The following PCLO variants were observed in gnomAD, a reference collection of about 807,000 sequenced individuals.
PCLO encodes the protein piccolo presynaptic cytomatrix protein, also known as protein piccolo.
In PCLO, 82 loss-of-function variants were observed where a neutral mutation model predicts 427.5. The observed-to-expected ratio is 0.19, with a 90% CI of 0.16 to 0.23. The LOEUF is 0.23. Ranked by LOEUF, PCLO falls within the 10% of genes least tolerant of loss-of-function variation. The probability of loss-of-function intolerance (pLI) is 1.00; values close to 1 mark genes in which losing one functional copy is unlikely to be tolerated. For missense variants in PCLO, 6,239 were observed against 6,115.9 expected (o/e 1.02, Z -0.67); for synonymous variants, 2,357 against 2,155.4 (o/e 1.09, Z -2.59).
chr7:83,012,499 C>T (rs1788104789), intron 3 of PCLO, among the ~76,000 whole-genome samples: 2 of 151,768 alleles, frequency 1.3e-5, no homozygotes, highest in South Asian at 4.2e-4. Context: ...CACCTGTAAT[C>T]CCAGCTACTC....
chr7:83,143,095 G>T (rs999332849), intron 2 of PCLO, among the ~76,000 whole-genome samples: 3 of 152,198 alleles, frequency 2.0e-5, no homozygotes, highest in African/African-American at 7.2e-5. Context: ...AATACTTATT[G>T]AAGACCTTCT....
At chr7:83,073,359 T>C (rs1460153594) in intron 3 of PCLO, among the ~76,000 whole-genome samples, 1 of 152,030 alleles carries the variant, frequency 6.6e-6, no homozygotes, top group Non-Finnish European at 1.5e-5. Context: ...AAAACCTTAT[T>C]GAGTACATTC....
intron 10 of PCLO, among the ~76,000 whole-genome samples, chr7:82,852,890 C>T (rs557789750): frequency 1.3e-5 from 2 of 152,192 alleles, no homozygotes; most frequent in East Asian, 3.9e-4. Context: ...TCCTTCCCAG[C>T]CTTTGGCAAC....
intron 6 of PCLO, among the ~76,000 whole-genome samples, chr7:82,929,111 T>C (rs1562863916): frequency 6.6e-6 from 1 of 152,016 alleles, no homozygotes; most frequent in African/African-American, 2.4e-5. Context: ...AGGGAAGTAA[T>C]TGAGGACATA....
Position 83,136,142 on chromosome 7 carries a change from A to G in PCLO, c.1894-486T>C, listed in dbSNP as rs994851877. On this transcript the variant is annotated intron_variant, in intron 2 of 24. Coordinates refer to ENST00000333891, the MANE Select transcript of PCLO (RefSeq NM_033026.6). ...TATATGTCTCCTCAGGGACTAAAGT[A>G]CCCTATATTAAGGAATATATAAAGT... 3.5e-4 allele frequency among the ~76,000 whole-genome samples: 53 copies of G among 151,952 alleles called. 2 individuals carry two copies. Among genetic ancestry groups the G allele is most frequent in the Non-Finnish European group, 2.9e-5 (2 of 67,978 alleles).
At position 82,832,066 on chromosome 7, in the gene PCLO, C is replaced by T. The variant is rs115431522; in HGVS notation, c.14249+3601G>A. Among the ~76,000 whole-genome samples the T allele has an allele frequency of 9.7e-3, 1,468 of 152,116 alleles. 16 individuals are homozygous for T. The highest frequency in any genetic ancestry group is 0.033 in the African/African-American group (1,376 of 41,494). On this transcript the variant is annotated intron_variant, in intron 16 of 24. Transcript: ENST00000333891. ...CCTTTCCTTTCTTGTCTAGTAAACA[C>T]ACTATATTCTCTTGTGGGAAGATTA...
chr7:82,902,847 G>A, intron 8 of PCLO, 106 bp from the exon 9 acceptor site: 1 of 630,976 alleles, frequency 1.6e-6, no homozygotes, highest in Admixed American at 2.6e-5. Context: ...TAAATCAATG[G>A]AACGTAGTAG....
chr7:82,998,787 C>T (rs541879848), intron 3 of PCLO, among the ~76,000 whole-genome samples: 1 of 151,646 alleles, frequency 6.6e-6, no homozygotes, highest in African/African-American at 2.4e-5. Context: ...AAGGAATACT[C>T]AAAGACAAAA....
At chr7:82,933,686 C>T (rs1049914556) in intron 6 of PCLO, among the ~76,000 whole-genome samples, 6 of 151,788 alleles carry the variant, frequency 4.0e-5, no homozygotes, top group Non-Finnish European at 5.9e-5. Flanking sequence ...TAAACACACA[C>T]AAATAAAAAC....
At chr7:82,912,481 T>C (rs1794347200) in intron 7 of PCLO, among the ~76,000 whole-genome samples, 1 of 151,946 alleles carries the variant, frequency 6.6e-6, no homozygotes, top group South Asian at 2.1e-4. Context: ...AATTCATATA[T>C]AATTGCTATA....
At chr7:82,828,012 T>C in intron 16 of PCLO, 46 bp from the exon 17 acceptor site, 1 of 1,068,354 alleles carries the variant, frequency 9.4e-7, no homozygotes, top group South Asian at 1.3e-5. Context: ...TTCACCTTAG[T>C]TTATGACTTC....
At chr7:82,949,256 TACACAC>T (rs369915572) in intron 6 of PCLO, among the ~76,000 whole-genome samples, 4 of 149,702 alleles carry the variant, frequency 2.7e-5, no homozygotes, top group South Asian at 2.1e-4. Context: ...TATGGTTTCC[TACACAC>T]ACACACACAC....
Position 83,092,536 on chromosome 7 carries a change from TA to T in PCLO, c.3300+41713del, listed in dbSNP as rs532983646. On this transcript the variant is annotated intron_variant, in intron 3 of 24. Transcript: ENST00000333891. ...CTACCGTCAGAATCAAAACTAAACCTAGGTCACCTCTCAGATCTTTTTCTAA... is the reference window on the plus strand; with the variant it reads ...CTACCGTCAGAATCAAAACTAAACCTGGTCACCTCTCAGATCTTTTTCTAA... Among the ~76,000 whole-genome samples, 104 of 152,228 alleles carry T rather than the reference TA, an allele frequency of 6.8e-4. 1 individual carries two copies. The highest frequency in any genetic ancestry group is 3.1e-4 in the Non-Finnish European group (21 of 68,022).
intron 3 of PCLO, among the ~76,000 whole-genome samples, chr7:83,036,617 T>C (rs974979633): frequency 6.6e-6 from 1 of 152,094 alleles, no homozygotes; most frequent in Non-Finnish European, 1.5e-5. Flanking sequence ...GTGACCTCAG[T>C]ATAGCAACTG....
intron 3 of PCLO, among the ~76,000 whole-genome samples, chr7:83,004,309 C>T (rs1248597436): frequency 4.6e-5 from 7 of 151,678 alleles, no homozygotes; most frequent in Non-Finnish European, 8.9e-5. Context: ...CAGAAACAGA[C>T]ACATAGAACA....
At chr7:82,982,911 G>C (rs563249659) in intron 3 of PCLO, among the ~76,000 whole-genome samples, 17 of 151,440 alleles carry the variant, frequency 1.1e-4, no homozygotes, top group African/African-American at 4.1e-4. Flanking sequence ...TGAAATAATA[G>C]AATTTTAAAT....
At position 82,861,272 on chromosome 7, in the gene PCLO, T is replaced by C. The variant is rs558142880; in HGVS notation, c.13655-14025A>G. 3.3e-5 allele frequency among the ~76,000 whole-genome samples: 5 copies of C among 152,070 alleles called. No homozygotes were observed. In the East Asian group the frequency reaches 9.7e-4, roughly 29 times the overall value. ...TAAAGGGAGGGATGAAGATATTTCA[T>C]GCCAATGTAAACCAAAAATGGGAAC... is the stretch of plus-strand genomic sequence containing the variant. On this transcript the variant is annotated intron_variant, in intron 10 of 24. Coordinates refer to ENST00000333891, the MANE Select transcript of PCLO (RefSeq NM_033026.6).
At chr7:82,867,606 AT>A (rs1793128640) in intron 10 of PCLO, among the ~76,000 whole-genome samples, 2 of 152,202 alleles carry the variant, frequency 1.3e-5, no homozygotes, top group African/African-American at 4.8e-5. Context: ...TCCAAGAAAT[AT>A]TGGTTAGACA....
chr7:82,910,899 C>T (rs1223334725), intron 7 of PCLO, among the ~76,000 whole-genome samples: 3 of 152,102 alleles, frequency 2.0e-5, no homozygotes, highest in African/African-American at 7.2e-5. Context: ...TTCCCAGTGA[C>T]ACTGACACTA....
Sources: gnomAD v4.1 joint callset for allele counts (sites outside exome capture counted in the v4.1 genomes callset) on GRCh38, gnomAD v4.1.1 for gene constraint, MANE v1.5 for transcripts, NCBI Gene and HGNC (gene_info 2026-07-23, HGNC 2026-07-21) for gene names.